Variants in LMX1A observed in about 807,000 individuals in gnomAD.
The protein encoded by LMX1A is LIM homeobox transcription factor 1-alpha.
LMX1A carries 15 observed loss-of-function variants against 49.1 expected under a neutral mutation model. The observed-to-expected ratio is 0.31, with a 90% confidence interval of 0.20 to 0.47. The LOEUF (loss-of-function observed/expected upper bound fraction) is 0.47, where lower values mean the gene tolerates loss of function less well. Ranked by LOEUF, LMX1A falls within the 20% of genes least tolerant of loss-of-function variation. LMX1A has a pLI of 1.00. For synonymous variants in LMX1A, 167 were observed against 185.7 expected (o/e 0.90, Z 0.82); for missense variants, 372 against 475.8 (o/e 0.78, Z 2.03).
At chr1:165,326,996 G>C (rs1489360120) in intron 3 of LMX1A, among the ~76,000 whole-genome samples, 1 of 152,150 alleles carries the variant, frequency 6.6e-6, no homozygotes. Flanking sequence ...ATAGTGCTGA[G>C]ACAGAGAAAC....
intron 3 of LMX1A, among the ~76,000 whole-genome samples, chr1:165,288,258 A>G (rs74118547): frequency 0.084 from 12,710 of 152,134 alleles, 1,757 homozygotes; most frequent in African/African-American, 0.29. Flanking sequence ...GGTGGCCCCC[A>G]GAGTCTACTT....
intron 6 of LMX1A, among the ~76,000 whole-genome samples, chr1:165,209,064 T>C (rs1651245627): frequency 6.6e-6 from 1 of 152,238 alleles, no homozygotes; most frequent in Non-Finnish European, 1.5e-5. Context: ...TAGGAAACAC[T>C]AGATTTTTGT....
At chr1:165,351,778 C>A (rs1656437101) in intron 3 of LMX1A, among the ~76,000 whole-genome samples, 1 of 152,250 alleles carries the variant, frequency 6.6e-6, no homozygotes, top group Admixed American at 6.5e-5. Context: ...TTTAAACTTG[C>A]ATAGCCCCAG....
intron 4 of LMX1A, among the ~76,000 whole-genome samples, chr1:165,217,608 A>C (rs996620548): frequency 6.6e-6 from 1 of 152,250 alleles, no homozygotes; most frequent in African/African-American, 2.4e-5. Flanking sequence ...CTGTGCATAC[A>C]CAAGTCCCTC....
intron 3 of LMX1A, among the ~76,000 whole-genome samples, chr1:165,350,263 A>G (rs144011393): frequency 4.9e-3 from 745 of 151,118 alleles, no homozygotes; most frequent in Non-Finnish European, 7.8e-3. Flanking sequence ...CTTCAGGACT[A>G]TTGTCTACAA....
At chr1:165,329,669 A>T (rs930018228) in intron 3 of LMX1A, among the ~76,000 whole-genome samples, 5 of 150,318 alleles carry the variant, frequency 3.3e-5, no homozygotes, top group Non-Finnish European at 7.4e-5. Flanking sequence ...GGTGAATAAG[A>T]GGTTAAAAAA....
At chr1:165,326,497 G>T (rs1655584631) in intron 3 of LMX1A, among the ~76,000 whole-genome samples, 1 of 152,204 alleles carries the variant, frequency 6.6e-6, no homozygotes, top group African/African-American at 2.4e-5. Flanking sequence ...AAACAAGTGG[G>T]GAAAGGATCA....
intron 3 of LMX1A, among the ~76,000 whole-genome samples, chr1:165,265,513 A>T (rs1030514326): frequency 5.3e-5 from 8 of 152,306 alleles, no homozygotes; most frequent in African/African-American, 1.9e-4. Flanking sequence ...TGCCCCAGAC[A>T]TCCAGGAAGA....
chr1:165,338,367 G>A (rs1427945274), intron 3 of LMX1A, among the ~76,000 whole-genome samples: 1 of 152,198 alleles, frequency 6.6e-6, no homozygotes, highest in African/African-American at 2.4e-5. Flanking sequence ...AAATTTTTAA[G>A]GGAGTTCATT....
chr1:165,320,015 A>AT (rs558591501), intron 3 of LMX1A, among the ~76,000 whole-genome samples: 26 of 151,782 alleles, frequency 1.7e-4, no homozygotes, highest in Non-Finnish European at 3.2e-4. Context: ...CTCCACCTAG[A>AT]TTTTTTTTTC....
At chr1:165,246,225 A>G (rs571132080) in intron 4 of LMX1A, among the ~76,000 whole-genome samples, 47 of 152,296 alleles carry the variant, frequency 3.1e-4, no homozygotes, top group African/African-American at 1.1e-3. Context: ...AAAGCAACCA[A>G]AAGCTACAAC....
chr1:165,231,291 G>GT (rs201850414), intron 4 of LMX1A, among the ~76,000 whole-genome samples: 24,788 of 141,874 alleles, frequency 0.17, 2,224 homozygotes, highest in African/African-American at 0.24. Context: ...AACTGGCTTA[G>GT]TTTTTTTTTT....
intron 3 of LMX1A, among the ~76,000 whole-genome samples, chr1:165,327,240 C>T (rs560038778): frequency 1.3e-5 from 2 of 152,002 alleles, no homozygotes; most frequent in Admixed American, 6.6e-5. Flanking sequence ...ACAGAGGGAC[C>T]GAAAGGAGGA....
At chr1:165,276,161 A>C (rs1313183902) in intron 3 of LMX1A, among the ~76,000 whole-genome samples, 1 of 152,080 alleles carries the variant, frequency 6.6e-6, no homozygotes, top group Non-Finnish European at 1.5e-5. Context: ...ACATTTTCTG[A>C]TTCTTCTTGC....
intron 3 of LMX1A, among the ~76,000 whole-genome samples, chr1:165,350,824 T>C (rs569229323): frequency 1.3e-5 from 2 of 152,304 alleles, no homozygotes; most frequent in South Asian, 4.1e-4. Context: ...GTTCCAAAAA[T>C]ATTTTTAAAA....
intron 3 of LMX1A, among the ~76,000 whole-genome samples, chr1:165,299,067 G>A (rs1042473793): frequency 6.6e-6 from 1 of 152,192 alleles, no homozygotes; most frequent in Non-Finnish European, 1.5e-5. Context: ...ACTTGTCCAA[G>A]GGTAGTATGT....
chr1:165,330,480 C>G (rs1057226427), intron 3 of LMX1A, among the ~76,000 whole-genome samples: 4 of 152,282 alleles, frequency 2.6e-5, no homozygotes, highest in South Asian at 4.1e-4. Flanking sequence ...CAAAAATAAA[C>G]AAATAAAAAT....
intron 3 of LMX1A, among the ~76,000 whole-genome samples, chr1:165,348,946 C>T (rs899339692): frequency 6.6e-6 from 1 of 152,186 alleles, no homozygotes; most frequent in Admixed American, 6.5e-5. Flanking sequence ...AAGAAAACAT[C>T]CACTGGCTCT....
At chr1:165,268,225 C>G (rs567114320) in intron 3 of LMX1A, among the ~76,000 whole-genome samples, 52 of 152,278 alleles carry the variant, frequency 3.4e-4, no homozygotes, top group African/African-American at 1.2e-3. Flanking sequence ...AAGTCTGGAC[C>G]ACTCTGGATT....
Sources: allele counts gnomAD v4.1 joint callset (sites outside exome capture counted in the v4.1 genomes callset), GRCh38; gene constraint gnomAD v4.1.1; transcripts MANE v1.5; gene names NCBI Gene and HGNC (gene_info 2026-07-23, HGNC 2026-07-21).